The following SLC4A10 variants were observed in gnomAD, a reference collection of about 807,000 sequenced individuals.
The protein encoded by SLC4A10 is solute carrier family 4 member 10.
Under a neutral mutation model 137.7 loss-of-function variants are expected in SLC4A10, and 42 were observed. That is an observed-to-expected ratio of 0.30 (90% confidence interval 0.24 to 0.39). The LOEUF is 0.39. Ranked by LOEUF, SLC4A10 falls within the 10% of genes least tolerant of loss-of-function variation. The probability of loss-of-function intolerance (pLI) is 1.00; values close to 1 mark genes in which losing one functional copy is unlikely to be tolerated. For missense variants in SLC4A10, 925 were observed against 1,355.0 expected (o/e 0.68, Z 4.98); for synonymous variants, 474 against 464.1 (o/e 1.02, Z -0.27).
Position 161,957,273 on chromosome 2 carries a change from A to G in SLC4A10, c.2793+33A>G, listed in dbSNP as rs571634961. 4.4e-6 allele frequency: 7 copies of G among 1,591,926 alleles called. No individual in the cohort carries two copies. The East Asian group carries it at 1.1e-4, about 25-fold the overall frequency. Reference sequence around the variant, plus strand: ...AATCTGTCTTTATGAACTTGAGAGAAAGAATACATTTATCATCATTTAAAA... The same window carrying G: ...AATCTGTCTTTATGAACTTGAGAGAGAGAATACATTTATCATCATTTAAAA... On this transcript the variant is annotated intron_variant, in intron 20 of 26. Coordinates refer to ENST00000446997, the MANE Select transcript of SLC4A10 (RefSeq NM_001178015.2).
At chr2:161,630,578 A>T (rs1445869251) in intron 1 of SLC4A10, among the ~76,000 whole-genome samples, 3 of 151,796 alleles carry the variant, frequency 2.0e-5, no homozygotes, top group Non-Finnish European at 3.0e-5. Context: ...TTATGATGCT[A>T]GTTAATGGCA....
intron 1 of SLC4A10, among the ~76,000 whole-genome samples, chr2:161,724,503 G>T (rs1045278136): frequency 6.6e-6 from 1 of 152,250 alleles, no homozygotes; most frequent in African/African-American, 2.4e-5. Flanking sequence ...AATGCTGGGG[G>T]AGCAGTGTGA....
Position 161,904,058 on chromosome 2 carries a change from T to A in SLC4A10, c.1497T>A (p.Ser499Arg). Residue 499 changes from serine to arginine, a missense_variant, in exon 13 of 27, where the codon AGT becomes AGA. Around this residue, in one of 11 missense-constraint regions of SLC4A10, gnomAD observed 61 missense variants for 59.0 expected, o/e 1.03. Coordinates refer to ENST00000446997, the MANE Select transcript of SLC4A10 (RefSeq NM_001178015.2). ...DIKRKAPYFWSDFRDAFSLQC... is the reference protein window; with the variant it reads ...DIKRKAPYFWRDFRDAFSLQC... ...AAAGAAAAGCTCCATACTTCTGGAG[T>A]GACTTCAGAGATGCTTTCAGCCTGC... 1 of 1,599,324 alleles carries A rather than the reference T, an allele frequency of 6.3e-7. No homozygotes were observed. The highest frequency in any genetic ancestry group is 8.5e-7 in the Non-Finnish European group (1 of 1,171,988).
chr2:161,781,339 A>G (rs1387486700), intron 2 of SLC4A10, among the ~76,000 whole-genome samples: 3 of 152,080 alleles, frequency 2.0e-5, no homozygotes, highest in African/African-American at 7.2e-5. Flanking sequence ...AACATATTCA[A>G]TAAATATCTT....
At chr2:161,708,811 T>C in intron 1 of SLC4A10, 1 of 1,532,592 alleles carries the variant, frequency 6.5e-7, no homozygotes, top group African/African-American at 1.4e-5. Context: ...GTGAGCCTTT[T>C]CAATCTCTAA....
intron 2 of SLC4A10, among the ~76,000 whole-genome samples, chr2:161,790,558 T>C (rs2054088656): frequency 6.6e-6 from 1 of 152,156 alleles, no homozygotes; most frequent in Admixed American, 6.5e-5. Context: ...GCATTTGAAA[T>C]TGTAGGTTTT....
chr2:161,628,362 C>T (rs1017499679), intron 1 of SLC4A10, among the ~76,000 whole-genome samples: 1 of 151,966 alleles, frequency 6.6e-6, no homozygotes, highest in Non-Finnish European at 1.5e-5. Context: ...AGGTATAAAA[C>T]TACAGTAAAG....
chr2:161,889,777 C>G (rs182098419), intron 10 of SLC4A10, among the ~76,000 whole-genome samples: 7 of 152,046 alleles, frequency 4.6e-5, no homozygotes, highest in Non-Finnish European at 8.8e-5. Flanking sequence ...GTGTGTGTGT[C>G]TCTGTCTCCT....
intron 2 of SLC4A10, among the ~76,000 whole-genome samples, chr2:161,795,644 A>G (rs1330457512): frequency 6.6e-6 from 1 of 152,160 alleles, no homozygotes; most frequent in Non-Finnish European, 1.5e-5. Context: ...ATTGTTAGCT[A>G]TAGGCACTAT....
intron 19 of SLC4A10, among the ~76,000 whole-genome samples, chr2:161,956,489 C>T (rs1695694887): frequency 6.6e-6 from 1 of 151,674 alleles, no homozygotes; most frequent in Non-Finnish European, 1.5e-5. Context: ...GTGCTCTTCC[C>T]CATCTTTGAT....
intron 1 of SLC4A10, among the ~76,000 whole-genome samples, chr2:161,676,167 GC>G (rs2040255062): frequency 6.6e-6 from 1 of 152,146 alleles, no homozygotes; most frequent in African/African-American, 2.4e-5. Context: ...GATCAAAGCA[GC>G]CCATAATCCA....
At chr2:161,858,143 C>T (rs1034984577) in intron 5 of SLC4A10, among the ~76,000 whole-genome samples, 2 of 152,140 alleles carry the variant, frequency 1.3e-5, no homozygotes, top group African/African-American at 4.8e-5. Flanking sequence ...ACATTAGTCA[C>T]TAGTTTCAGT....
intron 1 of SLC4A10, among the ~76,000 whole-genome samples, chr2:161,672,573 T>C (rs1336439820): frequency 6.6e-6 from 1 of 152,112 alleles, no homozygotes; most frequent in East Asian, 1.9e-4. Flanking sequence ...ATCTTTGTCT[T>C]ACTGATTTTC....
intron 12 of SLC4A10, 129 bp downstream of exon 12, chr2:161,901,140 C>A: frequency 4.2e-6 from 3 of 709,518 alleles, no homozygotes; most frequent in Non-Finnish European, 5.0e-6. Flanking sequence ...GGTGAAAATG[C>A]CAATTAGTTT....
In SLC4A10 at chr2:161,773,785, T is replaced by C. The variant is rs760730414; in HGVS notation, c.130+2731T>C. ...ATTCTGCTAAATGATATATCAAATG[T>C]ATAATTTTCTCTCTCTAAATCTGTT... On this transcript the variant is annotated intron_variant, in intron 2 of 26. Coordinates refer to ENST00000446997, the MANE Select transcript of SLC4A10 (RefSeq NM_001178015.2). Among the ~76,000 whole-genome samples, 96 of 151,922 alleles carry C rather than the reference T, an allele frequency of 6.3e-4. 1 individual carries two copies. The highest frequency in any genetic ancestry group is 3.8e-4 in the Non-Finnish European group (26 of 67,904).
At chr2:161,879,794 C>T (rs558164911) in intron 9 of SLC4A10, among the ~76,000 whole-genome samples, 5 of 151,910 alleles carry the variant, frequency 3.3e-5, no homozygotes, top group African/African-American at 4.8e-5. Context: ...AGTGGGCTTC[C>T]GACACACAGG....
intron 10 of SLC4A10, among the ~76,000 whole-genome samples, chr2:161,891,846 G>A (rs2062958954): frequency 6.6e-6 from 1 of 152,032 alleles, no homozygotes; most frequent in African/African-American, 2.4e-5. Flanking sequence ...TTGCTGGCAA[G>A]GAGTTGTGAT....
chr2:161,836,821 G>A (rs544545212), intron 3 of SLC4A10, among the ~76,000 whole-genome samples: 44 of 152,138 alleles, frequency 2.9e-4, no homozygotes, highest in African/African-American at 9.9e-4. Context: ...TCTAATAGTA[G>A]CCAGAGAAAA....
intron 1 of SLC4A10, chr2:161,708,851 T>A: frequency 1.3e-6 from 2 of 1,523,266 alleles, no homozygotes; most frequent in Non-Finnish European, 8.8e-7. Flanking sequence ...TGAATTATGA[T>A]GATAATATTA....
Sources: allele counts gnomAD v4.1 joint callset (sites outside exome capture counted in the v4.1 genomes callset), GRCh38; gene constraint gnomAD v4.1.1; regional missense constraint gnomAD v4.1.1; transcripts MANE v1.5; gene names NCBI Gene and HGNC (gene_info 2026-07-23, HGNC 2026-07-21).